VPS13B: variants seen among roughly 807,000 people sequenced by gnomAD.
VPS13B encodes the protein vacuolar protein sorting 13 homolog B, also known as intermembrane lipid transfer protein VPS13B.
In VPS13B, 285 loss-of-function variants were observed where a neutral mutation model predicts 426.4. That is an observed-to-expected ratio of 0.67 (90% confidence interval 0.61 to 0.74). The LOEUF (loss-of-function observed/expected upper bound fraction) is 0.74, where lower values mean the gene tolerates loss of function less well. VPS13B is among the 30% of genes least tolerant of loss of function. VPS13B has a pLI of 0.00. For missense variants in VPS13B, 4,537 were observed against 4,782.6 expected (o/e 0.95, Z 1.51); for synonymous variants, 1,676 against 1,676.4 (o/e 1.00, Z 0.01).
chr8:99,535,687 A>G (rs1037705649), intron 30 of VPS13B, among the ~76,000 whole-genome samples: 3 of 152,146 alleles, frequency 2.0e-5, no homozygotes, highest in African/African-American at 4.8e-5. Context: ...GAAGTTTTAC[A>G]TATATATAGA....
rs1169509171 is a variant in VPS13B, at chr8:99,103,128, A to T, written c.580+8A>T. ...CATTCATGGATATTTCTGGTGAGTA[A>T]ATATGGAGAATACCGTATATTTTTC... On this transcript the variant is annotated splice_region_variant and intron_variant, in intron 5 of 61. Coordinates refer to ENST00000357162, the MANE Select transcript of VPS13B (RefSeq NM_152564.5). The T allele has an allele frequency of 2.5e-6, 4 of 1,613,464 alleles. No individual in the cohort carries two copies. The highest frequency in any genetic ancestry group is 3.4e-6 in the Non-Finnish European group (4 of 1,179,614).
intron 30 of VPS13B, among the ~76,000 whole-genome samples, chr8:99,531,427 AT>A (rs1822928199): frequency 6.6e-6 from 1 of 152,176 alleles, no homozygotes. Flanking sequence ...TATAGGAGAT[AT>A]TTAAAAGTCA....
intron 30 of VPS13B, among the ~76,000 whole-genome samples, chr8:99,547,881 A>G (rs1326336412): frequency 6.6e-6 from 1 of 152,046 alleles, no homozygotes; most frequent in East Asian, 1.9e-4. Flanking sequence ...GAATTGCTAC[A>G]AGGTTTTAAA....
At chr8:99,209,281 C>CAA (rs1397074851) in intron 17 of VPS13B, among the ~76,000 whole-genome samples, 11 of 97,302 alleles carry the variant, frequency 1.1e-4, no homozygotes, top group South Asian at 3.4e-4. Context: ...GGCTCCATCT[C>CAA]AAAAAAAAAA....
intron 3 of VPS13B, among the ~76,000 whole-genome samples, chr8:99,082,841 A>C (rs578033524): frequency 3.1e-4 from 47 of 152,270 alleles, no homozygotes; most frequent in African/African-American, 1.1e-3. Context: ...TGGTACCAGT[A>C]CCATGCTGTT....
intron 43 of VPS13B, among the ~76,000 whole-genome samples, chr8:99,793,560 C>A (rs1304154029): frequency 6.6e-6 from 1 of 151,938 alleles, no homozygotes; most frequent in Non-Finnish European, 1.5e-5. Flanking sequence ...GTTAAAATCA[C>A]CAGGATTTAT....
At chr8:99,376,070 T>A (rs1813469439) in intron 19 of VPS13B, among the ~76,000 whole-genome samples, 1 of 152,218 alleles carries the variant, frequency 6.6e-6, no homozygotes, top group African/African-American at 2.4e-5. Context: ...CACCCTGATT[T>A]AACTAATGGG....
chr8:99,093,532 C>T (rs575503880), intron 3 of VPS13B, among the ~76,000 whole-genome samples: 2 of 136,096 alleles, frequency 1.5e-5, no homozygotes, highest in Non-Finnish European at 3.2e-5. Flanking sequence ...CTCCCCCCTC[C>T]CCCCACCTCA....
At chr8:99,278,805 T>G (rs965448897) in intron 19 of VPS13B, among the ~76,000 whole-genome samples, 4 of 152,248 alleles carry the variant, frequency 2.6e-5, no homozygotes, top group Non-Finnish European at 5.9e-5. Flanking sequence ...CTTTGAAGTC[T>G]CAGCAATTCC....
intron 21 of VPS13B, among the ~76,000 whole-genome samples, chr8:99,397,141 CTTTATTTA>C (rs1337610604): frequency 1.3e-5 from 2 of 151,890 alleles, no homozygotes; most frequent in African/African-American, 2.4e-5. Flanking sequence ...AATATTTCTT[CTTTATTTA>C]TTTATTTATT....
chr8:99,711,877 G>A (rs1250054268), intron 36 of VPS13B, among the ~76,000 whole-genome samples: 1 of 152,126 alleles, frequency 6.6e-6, no homozygotes, highest in Admixed American at 6.6e-5. Flanking sequence ...ATGGATACAT[G>A]CCTACATAAA....
At chr8:99,362,858 T>C (rs1327540200) in intron 19 of VPS13B, among the ~76,000 whole-genome samples, 1 of 152,258 alleles carries the variant, frequency 6.6e-6, no homozygotes, top group Non-Finnish European at 1.5e-5. Context: ...GATAGTATGG[T>C]AGCTCTATAT....
intron 16 of VPS13B, among the ~76,000 whole-genome samples, chr8:99,185,437 G>T (rs1813168997): frequency 6.6e-6 from 1 of 152,008 alleles, no homozygotes; most frequent in Admixed American, 6.6e-5. Flanking sequence ...ATACATCTTA[G>T]CTTTTTAAAC....
chr8:99,818,825 G>T lies in VPS13B; in HGVS notation c.8558G>T (p.Gly2853Val). 1 of 1,613,914 alleles carries T rather than the reference G, an allele frequency of 6.2e-7. No homozygotes were observed. Among genetic ancestry groups the T allele is most frequent in the South Asian group, 1.1e-5 (1 of 91,068 alleles). Reference protein sequence around the residue: ...LSETQIIPGKGQEKPLQNIEP... With the variant: ...LSETQIIPGKVQEKPLQNIEP... ...GAAACACAAATTATTCCAGGAAAAGGGCAGGAAAAACCACTGCAAAACATA... is the reference window on the plus strand; with the variant it reads ...GAAACACAAATTATTCCAGGAAAAGTGCAGGAAAAACCACTGCAAAACATA... Residue 2853 changes from glycine (G) to valine (V), a missense_variant, in exon 47 of 62, where the codon GGG becomes GTG. Physicochemically the swap from Gly to Val is moderately radical, Grantham distance 109. This residue lies in a region of VPS13B where 4,311 missense variants were observed against 4,474.3 expected (regional missense o/e 0.96). Transcript: ENST00000357162.
In VPS13B at chr8:99,431,602, G is replaced by GA; in HGVS notation, c.3150dup (p.Glu1051ArgfsTer22). 6.2e-7 allele frequency: 1 copy of GA among 1,613,474 alleles called. No homozygotes were observed. Among genetic ancestry groups the GA allele is most frequent in the South Asian group, 1.1e-5 (1 of 91,062 alleles). ...TATATCTGAAAGCTGTAGAAGTCCT[G>GA]AAGAAAGAATGAAGGAATTTATTGG... On this transcript the variant is annotated frameshift_variant, in exon 22 of 62. Coordinates refer to ENST00000357162, the MANE Select transcript of VPS13B (RefSeq NM_152564.5). LOFTEE classifies it high-confidence loss of function.
At chr8:99,253,016 G>T (rs1817578288) in intron 17 of VPS13B, among the ~76,000 whole-genome samples, 1 of 151,576 alleles carries the variant, frequency 6.6e-6, no homozygotes, top group African/African-American at 2.4e-5. Flanking sequence ...ACAGCCCTTG[G>T]CAATCACTAA....
chr8:99,741,524 C>G (rs1450983368), intron 39 of VPS13B, among the ~76,000 whole-genome samples: 7 of 151,602 alleles, frequency 4.6e-5, no homozygotes, highest in African/African-American at 1.7e-4. Context: ...AATATACATT[C>G]TTTTCAGCAC....
At chr8:99,238,241 A>AGTGTGTGTGTGTGT (rs199541620) in intron 17 of VPS13B, among the ~76,000 whole-genome samples, 1 of 149,936 alleles carries the variant, frequency 6.7e-6, no homozygotes, top group East Asian at 2.0e-4. Flanking sequence ...AGTTTGTGGG[A>AGTGTGTGTGTGTGT]GTGTGTGTGT....
chr8:99,590,239 A>G (rs761487132), intron 33 of VPS13B, among the ~76,000 whole-genome samples: 6 of 151,890 alleles, frequency 4.0e-5, no homozygotes, highest in Non-Finnish European at 8.8e-5. Flanking sequence ...TTTCTTTATT[A>G]GTCTTGCTAG....
Sources: gnomAD v4.1 joint callset for allele counts (sites outside exome capture counted in the v4.1 genomes callset) on GRCh38, gnomAD v4.1.1 for gene constraint, gnomAD v4.1.1 regional missense constraint, MANE v1.5 for transcripts, NCBI Gene and HGNC (gene_info 2026-07-23, HGNC 2026-07-21) for gene names.